DCHS2: variants seen among roughly 807,000 people sequenced by gnomAD.
DCHS2 encodes protocadherin-23.
DCHS2 carries 142 observed loss-of-function variants against 182.4 expected under a neutral mutation model. That is an observed-to-expected ratio of 0.78 (90% confidence interval 0.68 to 0.89). The LOEUF (loss-of-function observed/expected upper bound fraction) is 0.89, where lower values mean the gene tolerates loss of function less well. Ranked by LOEUF, DCHS2 falls within the 40% of genes least tolerant of loss-of-function variation. The pLI is 0.00. For missense variants in DCHS2, 4,319 were observed against 4,198.6 expected, an observed-to-expected ratio of 1.03 and a Z score of -0.79; for synonymous variants, 1,740 against 1,663.3, an observed-to-expected ratio of 1.05 and a Z score of -1.12.
chr4:154,363,238 G>A (rs1730205528), intron 3 of DCHS2, among the ~76,000 whole-genome samples: 1 of 152,086 alleles, frequency 6.6e-6, no homozygotes, highest in Non-Finnish European at 1.5e-5. Context: ...AAAAAAATCA[G>A]TATGTCAAAG....
intron 1 of DCHS2, among the ~76,000 whole-genome samples, chr4:154,426,493 T>C (rs1460959828): frequency 6.6e-6 from 1 of 152,168 alleles, no homozygotes; most frequent in East Asian, 1.9e-4. Flanking sequence ...CATAAGGTTA[T>C]ATATGAAGAA....
chr4:154,424,928 G>T (rs983701740), intron 1 of DCHS2, among the ~76,000 whole-genome samples: 15 of 152,154 alleles, frequency 9.9e-5, no homozygotes, highest in African/African-American at 3.6e-4. Context: ...CAGAGTCAAA[G>T]ATAACCATGA....
At chr4:154,459,101 A>G (rs529780144) in intron 1 of DCHS2, among the ~76,000 whole-genome samples, 2 of 152,230 alleles carry the variant, frequency 1.3e-5, no homozygotes, top group Non-Finnish European at 2.9e-5. Flanking sequence ...TTAAAGAACT[A>G]TGAAGAATTC....
Position 154,298,707 on chromosome 4 carries a change from A to G in DCHS2, c.5607T>C (p.Asp1869=). The G allele has an allele frequency of 6.4e-7, 1 of 1,554,642 alleles. No individual in the cohort carries two copies. Among genetic ancestry groups the G allele is most frequent in the Non-Finnish European group, 8.7e-7 (1 of 1,153,470 alleles). Reference sequence around the variant, plus strand: ...TAGTAAAGCACTCATCAGTATTTCCATCTATTAAAGAAAACAATTACAAAT... The same window carrying G: ...TAGTAAAGCACTCATCAGTATTTCCGTCTATTAAAGAAAACAATTACAAAT... ...NNRAVEYHII[D]GNTDECFTIN... is the part of the protein sequence containing the mutation. The change falls in exon 13 of 20, where the codon GAT becomes GAC. Residue 1869 remains aspartate (D), a splice_region_variant and synonymous_variant. Transcript: ENST00000357232.
At chr4:154,396,596 C>T (rs900327210) in intron 1 of DCHS2, among the ~76,000 whole-genome samples, 20 of 152,040 alleles carry the variant, frequency 1.3e-4, no homozygotes, top group Admixed American at 1.1e-3. Flanking sequence ...AAAGTTTCAA[C>T]GGTGTCTCTA....
chr4:154,336,029 T>G (rs1156262368), intron 3 of DCHS2, among the ~76,000 whole-genome samples: 1 of 152,158 alleles, frequency 6.6e-6, no homozygotes, highest in Non-Finnish European at 1.5e-5. Context: ...GAAACTAAAA[T>G]TTTATCTTCT....
rs139660232 is a variant in DCHS2, at chr4:154,356,543, G to A, written c.2476+9667C>T. Among the ~76,000 whole-genome samples, 332 of 152,112 alleles carry A rather than the reference G, an allele frequency of 2.2e-3. 1 individual carries two copies. Among genetic ancestry groups the A allele is most frequent in the African/African-American group, 6.6e-3 (272 of 41,500 alleles). On this transcript the variant is annotated intron_variant, in intron 3 of 19. Transcript: ENST00000357232. ...CACCCAGAACACCTTCCAGTCCTGC[G>A]AGCTTTATTCATAATCAGTGCCCTA...
rs1267846563 is a variant in DCHS2, at chr4:154,486,612, AG to A, written c.2052+2691del. The A allele has an allele frequency of 1.3e-5, 16 of 1,194,994 alleles. No individual in the cohort carries two copies. The East Asian group carries it at 5.9e-4, about 44-fold the overall frequency. The allele number at this position is 1,194,994 out of a possible 1,614,324, so 74.0% of individuals were successfully genotyped here. A position where few individuals can be genotyped will look rare whatever the true frequency, so the allele number is the denominator to read the frequency against. ...GTCATTAAGCAAAGCCATGGAACAC[AG>A]GAGGTGTCATGAGATTCAAAGGCAA... On this transcript the variant is annotated intron_variant, in intron 1 of 19. Coordinates refer to ENST00000357232, the MANE Select transcript of DCHS2 (RefSeq NM_001358235.2).
In DCHS2 at chr4:154,311,282, G is replaced by T. The variant is rs183344298; in HGVS notation, c.5260+4466C>A. Among the ~76,000 whole-genome samples, 4 of 152,216 alleles carry T rather than the reference G, an allele frequency of 2.6e-5. No homozygotes were observed. The East Asian group carries it at 5.8e-4, about 22-fold the overall frequency. ...GCATCTCACTCTGCCACCCAGGCTG[G>T]AGTGTGCAGAGGCACAGTCGTGGCT... On this transcript the variant is annotated intron_variant, in intron 10 of 19. Coordinates refer to ENST00000357232, the MANE Select transcript of DCHS2 (RefSeq NM_001358235.2).
intron 1 of DCHS2, among the ~76,000 whole-genome samples, chr4:154,449,453 C>T (rs368347123): frequency 6.6e-6 from 1 of 151,964 alleles, no homozygotes; most frequent in Non-Finnish European, 1.5e-5. Context: ...TCACTGCAAT[C>T]TCCACTTCCC....
intron 14 of DCHS2, among the ~76,000 whole-genome samples, chr4:154,263,404 A>G (rs919012494): frequency 6.6e-6 from 1 of 151,986 alleles, no homozygotes; most frequent in Non-Finnish European, 1.5e-5. Context: ...ATATATGTGT[A>G]TGTATTACAA....
At position 154,240,819 on chromosome 4, in the gene DCHS2, A is replaced by T; in HGVS notation, c.7077T>A (p.Ser2359=). 1 of 1,613,426 alleles carries T rather than the reference A, an allele frequency of 6.2e-7. No individual in the cohort carries two copies. Among genetic ancestry groups the T allele is most frequent in the East Asian group, 2.2e-5 (1 of 44,794 alleles). ...PSEAVEITED[S]LPGVIVTHVS... ...CATGAGTCACAATTACACCAGGCAA[A>T]GAATCTGAAATAGTCATGACCAGTG... is the stretch of plus-strand genomic sequence containing the variant. The change falls in exon 18 of 20, where the codon TCT becomes TCA. Residue 2359 remains serine (S), a synonymous_variant. Coordinates refer to ENST00000357232, the MANE Select transcript of DCHS2 (RefSeq NM_001358235.2).
At chr4:154,412,250 A>G (rs955510016) in intron 1 of DCHS2, among the ~76,000 whole-genome samples, 6 of 152,206 alleles carry the variant, frequency 3.9e-5, no homozygotes, top group African/African-American at 1.2e-4. Context: ...GCATGTCTCT[A>G]AAGAAGCATC....
chr4:154,378,444 G>A (rs894352506), intron 1 of DCHS2, among the ~76,000 whole-genome samples: 1 of 143,770 alleles, frequency 7.0e-6, no homozygotes, highest in African/African-American at 2.5e-5. Context: ...GAAAAGAGGA[G>A]GAGGGAAGGA....
In DCHS2 at chr4:154,321,309, A is replaced by T. The variant is rs796867879; in HGVS notation, c.4177-87T>A. On this transcript the variant is annotated intron_variant, in intron 8 of 19. Coordinates refer to ENST00000357232, the MANE Select transcript of DCHS2 (RefSeq NM_001358235.2). The stretch of plus-strand genomic sequence containing the variant: ...TGTAATAATATTATTTTGAAAGCAA[A>T]TTCCTTCCATGTATGTGATCATATG... 15 of 1,317,180 alleles carry T rather than the reference A, an allele frequency of 1.1e-5. No homozygotes were observed. In the African/African-American group the frequency reaches 2.2e-4, roughly 20 times the overall value. 81.6% of individuals were successfully genotyped at this position (1,317,180 alleles called of 1,614,324 possible). A position where few individuals can be genotyped will look rare whatever the true frequency, so the allele number is the denominator to read the frequency against.
At chr4:154,473,340 C>T (rs1299293908) in intron 1 of DCHS2, among the ~76,000 whole-genome samples, 2 of 152,112 alleles carry the variant, frequency 1.3e-5, no homozygotes, top group South Asian at 2.1e-4. Flanking sequence ...AAGCAGAGGC[C>T]GCTATCTGGT....
chr4:154,406,296 G>A (rs1034526265), intron 1 of DCHS2, among the ~76,000 whole-genome samples: 2 of 152,134 alleles, frequency 1.3e-5, no homozygotes, highest in African/African-American at 2.4e-5. Context: ...CCCAATCACT[G>A]CCTCTCAGTT....
At chr4:154,340,538 C>T (rs1451988652) in intron 3 of DCHS2, among the ~76,000 whole-genome samples, 1 of 152,092 alleles carries the variant, frequency 6.6e-6, no homozygotes, top group Non-Finnish European at 1.5e-5. Context: ...TTAATTGAGA[C>T]AGTTTAATAA....
At chr4:154,251,319 T>C (rs1732344829) in intron 16 of DCHS2, among the ~76,000 whole-genome samples, 1 of 152,226 alleles carries the variant, frequency 6.6e-6, no homozygotes, top group Non-Finnish European at 1.5e-5. Flanking sequence ...TCACATCGGC[T>C]AGAATCATGT....
Sources: allele counts gnomAD v4.1 joint callset (sites outside exome capture counted in the v4.1 genomes callset), GRCh38; gene constraint gnomAD v4.1.1; transcripts MANE v1.5; gene names NCBI Gene and HGNC (gene_info 2026-07-23, HGNC 2026-07-21).